Variants in SDK1 observed in about 807,000 individuals in gnomAD.
SDK1 encodes the protein sidekick cell adhesion molecule 1.
A neutral mutation model predicts 245.5 loss-of-function variants in SDK1; 157 were observed. The observed-to-expected ratio is 0.64, with a 90% CI of 0.56 to 0.73. The LOEUF (loss-of-function observed/expected upper bound fraction) is 0.73, where lower values mean the gene tolerates loss of function less well. Among genes scored for constraint, SDK1 ranks in the 30% least tolerant of loss-of-function variants. The pLI is 0.00. For missense variants in SDK1, 3,583 were observed against 3,002.3 expected (o/e 1.19, Z -4.52); for synonymous variants, 1,647 against 1,278.5 (o/e 1.29, Z -6.15).
intron 1 of SDK1, among the ~76,000 whole-genome samples, chr7:3,555,755 A>C (rs971650661): frequency 6.6e-6 from 1 of 152,172 alleles, no homozygotes; most frequent in Non-Finnish European, 1.5e-5. Flanking sequence ...TAAAAAATGG[A>C]CAAAAGATCT....
intron 1 of SDK1, among the ~76,000 whole-genome samples, chr7:3,602,917 C>T (rs1041321526): frequency 6.6e-6 from 1 of 152,052 alleles, no homozygotes; most frequent in Non-Finnish European, 1.5e-5. Flanking sequence ...TTTCCCAGCA[C>T]CATTTATTAA....
chr7:3,637,298 T>C (rs969857472), intron 2 of SDK1, among the ~76,000 whole-genome samples: 1 of 152,164 alleles, frequency 6.6e-6, no homozygotes. Flanking sequence ...GGTTTCACCA[T>C]GTTGGCTAAG....
intron 35 of SDK1, among the ~76,000 whole-genome samples, chr7:4,183,563 C>G (rs1267758055): frequency 1.3e-5 from 2 of 151,554 alleles, no homozygotes; most frequent in Non-Finnish European, 2.9e-5. Context: ...TGAACCGGAA[C>G]CCGGGAGGCA....
At position 3,348,422 on chromosome 7, in the gene SDK1, G is replaced by A. The variant is rs112272595; in HGVS notation, c.298+46538G>A. ...TGTCATTTGTAGCAAGGTGGGTGCA[G>A]CTGGAGGTTGTTAGTGAATTAACAC... is the stretch of plus-strand genomic sequence containing the variant. On this transcript the variant is annotated intron_variant, in intron 1 of 44. Coordinates refer to ENST00000404826, the MANE Select transcript of SDK1 (RefSeq NM_152744.4). 2.6e-4 allele frequency among the ~76,000 whole-genome samples: 40 copies of A among 152,302 alleles called. 3 individuals carry two copies. The highest frequency in any genetic ancestry group is 6.7e-4 in the African/African-American group (28 of 41,572).
chr7:3,675,667 G>C (rs765342323), intron 4 of SDK1, among the ~76,000 whole-genome samples: 2 of 151,898 alleles, frequency 1.3e-5, no homozygotes, highest in Admixed American at 6.6e-5. Flanking sequence ...TGGAACTCCC[G>C]GTCTCAAGCC....
intron 1 of SDK1, among the ~76,000 whole-genome samples, chr7:3,346,701 T>G (rs201350094): frequency 7.7e-5 from 10 of 129,604 alleles, no homozygotes; most frequent in Non-Finnish European, 1.6e-4. Context: ...GTATGTGTGT[T>G]TGTGTGTGTG....
chr7:4,019,474 C>T (rs1786693032), intron 17 of SDK1, among the ~76,000 whole-genome samples: 1 of 152,118 alleles, frequency 6.6e-6, no homozygotes, highest in African/African-American at 2.4e-5. Context: ...TGGGTGGGGT[C>T]CCGCCTCCAT....
chr7:3,687,056 A>AAAACACACACACACACACACACACAC (rs758259836), intron 4 of SDK1, among the ~76,000 whole-genome samples: 1 of 135,250 alleles, frequency 7.4e-6, no homozygotes, highest in African/African-American at 2.9e-5. Context: ...ATAGCATCAA[A>AAAACACACACACACACACACACACAC]ACACACACAC....
intron 4 of SDK1, among the ~76,000 whole-genome samples, chr7:3,728,235 C>T (rs533120015): frequency 6.6e-5 from 10 of 152,128 alleles, no homozygotes; most frequent in Non-Finnish European, 1.3e-4. Flanking sequence ...AAAGTTACTC[C>T]GTTTCTCTTT....
chr7:3,831,370 C>T (rs904501140), intron 5 of SDK1, among the ~76,000 whole-genome samples: 10 of 152,118 alleles, frequency 6.6e-5, no homozygotes, highest in East Asian at 1.9e-4. Flanking sequence ...TTTCCTTTTA[C>T]GAATGAGTTC....
chr7:3,793,793 A>G (rs934021884), intron 4 of SDK1, among the ~76,000 whole-genome samples: 1 of 148,858 alleles, frequency 6.7e-6, no homozygotes, highest in East Asian at 2.1e-4. Context: ...ACAGAAAGGG[A>G]GTGGACTTAT....
chr7:4,195,569 C>T (rs921835972), intron 35 of SDK1, among the ~76,000 whole-genome samples: 4 of 152,192 alleles, frequency 2.6e-5, no homozygotes, highest in South Asian at 2.1e-4. Context: ...CTCTGCCGGG[C>T]GCACCCACAA....
At chr7:3,477,901 C>A (rs1781396514) in intron 1 of SDK1, among the ~76,000 whole-genome samples, 1 of 152,132 alleles carries the variant, frequency 6.6e-6, no homozygotes, top group Non-Finnish European at 1.5e-5. Flanking sequence ...TTGTTCGTTT[C>A]ACAGGTGTTT....
At chr7:3,462,036 C>G (rs566193421) in intron 1 of SDK1, among the ~76,000 whole-genome samples, 1 of 152,206 alleles carries the variant, frequency 6.6e-6, no homozygotes, top group African/African-American at 2.4e-5. Context: ...CCTACCTCTT[C>G]TCTTTGCATT....
In SDK1 at chr7:3,523,667, G is replaced by A. The variant is rs539689919; in HGVS notation, c.299-95413G>A. 6.6e-5 allele frequency among the ~76,000 whole-genome samples: 10 copies of A among 152,228 alleles called. No homozygotes were observed. The East Asian group carries it at 1.5e-3, about 24-fold the overall frequency. ...GCATAGTCTACCAGAATGAGTGCAG[G>A]ATGGGGAAGTCTGGGACTCCCAGCC... On this transcript the variant is annotated intron_variant, in intron 1 of 44. Transcript: ENST00000404826.
At chr7:4,076,046 GA>G (rs1780657032) in intron 20 of SDK1, among the ~76,000 whole-genome samples, 1 of 152,144 alleles carries the variant, frequency 6.6e-6, no homozygotes, top group Non-Finnish European at 1.5e-5. Context: ...AGTATAGGGG[GA>G]AATCAAATTT....
At chr7:3,994,511 T>C (rs1188828482) in intron 14 of SDK1, among the ~76,000 whole-genome samples, 1 of 151,734 alleles carries the variant, frequency 6.6e-6, no homozygotes, top group Admixed American at 6.6e-5. Flanking sequence ...GTGTGGTGGC[T>C]CATGCCTATA....
chr7:3,813,322 T>C (rs1779431439), intron 4 of SDK1, among the ~76,000 whole-genome samples: 1 of 144,964 alleles, frequency 6.9e-6, no homozygotes, highest in Non-Finnish European at 1.5e-5. Context: ...CCATGTGTTC[T>C]CATTGTTCAT....
intron 1 of SDK1, among the ~76,000 whole-genome samples, chr7:3,591,437 T>C (rs1296021948): frequency 6.6e-6 from 1 of 152,266 alleles, no homozygotes; most frequent in East Asian, 1.9e-4. Flanking sequence ...AATTCCTGCC[T>C]GGATGTCCTT....
Sources: gnomAD v4.1 joint callset for allele counts (sites outside exome capture counted in the v4.1 genomes callset) on GRCh38, gnomAD v4.1.1 for gene constraint, MANE v1.5 for transcripts, NCBI Gene and HGNC (gene_info 2026-07-23, HGNC 2026-07-21) for gene names.